The following COL22A1 variants were observed in gnomAD, a reference collection of about 807,000 sequenced individuals.
COL22A1 encodes collagen alpha-1(XXII) chain.
COL22A1 carries 221 observed loss-of-function variants against 248.9 expected under a neutral mutation model. The observed-to-expected ratio is 0.89, with a 90% CI of 0.80 to 0.99. The LOEUF is 0.99. COL22A1 is among the 50% of genes least tolerant of loss of function. The pLI is 0.00. For synonymous variants in COL22A1, 891 were observed against 793.4 expected, an observed-to-expected ratio of 1.12 and a Z score of -2.07; for missense variants, 2,240 against 2,179.0, an observed-to-expected ratio of 1.03 and a Z score of -0.56.
chr8:138,696,275 G>C (rs535009950), intron 32 of COL22A1, among the ~76,000 whole-genome samples: 1 of 152,094 alleles, frequency 6.6e-6, no homozygotes, highest in African/African-American at 2.4e-5. Flanking sequence ...GGGGGACATC[G>C]GGCTCCCCTG....
At chr8:138,810,628 G>A (rs1004276967) in intron 9 of COL22A1, among the ~76,000 whole-genome samples, 2 of 152,176 alleles carry the variant, frequency 1.3e-5, no homozygotes, top group Admixed American at 6.5e-5. Context: ...CAGCAAGGGA[G>A]GCCAGAGTTC....
At chr8:138,844,890 C>T (rs1450500535) in intron 3 of COL22A1, among the ~76,000 whole-genome samples, 1 of 144,438 alleles carries the variant, frequency 6.9e-6, no homozygotes, top group Non-Finnish European at 1.5e-5. Context: ...GCGGAGCTTG[C>T]AGTGAGCTGA....
At chr8:138,604,409 G>A (rs1818270678) in intron 59 of COL22A1, among the ~76,000 whole-genome samples, 1 of 152,166 alleles carries the variant, frequency 6.6e-6, no homozygotes, top group Non-Finnish European at 1.5e-5. Flanking sequence ...GAGTCCCAGT[G>A]GCAGAGACAG....
chr8:138,801,334 T>C (rs140758773), intron 11 of COL22A1, among the ~76,000 whole-genome samples: 42 of 152,266 alleles, frequency 2.8e-4, no homozygotes, highest in Non-Finnish European at 4.1e-4. Flanking sequence ...AGTTGTTCCA[T>C]GGAGCAAAGG....
At chr8:138,807,923 C>T in intron 9 of COL22A1, 111 bp from the exon 10 acceptor site, 2 of 1,076,162 alleles carry the variant, frequency 1.9e-6, no homozygotes, top group Non-Finnish European at 2.8e-6. Flanking sequence ...GCTTAGTAAG[C>T]CCAGCGCCGA....
At chr8:138,861,179 C>T (rs1237879825) in intron 3 of COL22A1, among the ~76,000 whole-genome samples, 1 of 152,244 alleles carries the variant, frequency 6.6e-6, no homozygotes, top group Non-Finnish European at 1.5e-5. Context: ...GGGCATCCAT[C>T]ACTCCTGCTG....
At chr8:138,632,707 C>T (rs1820831204) in intron 49 of COL22A1, among the ~76,000 whole-genome samples, 1 of 152,120 alleles carries the variant, frequency 6.6e-6, no homozygotes, top group South Asian at 2.1e-4. Flanking sequence ...TGACAAACTC[C>T]TGGGGCAGGG....
rs988600043 is a variant in COL22A1, at chr8:138,765,041, G to A, written c.1804-2575C>T. Among the ~76,000 whole-genome samples the A allele has an allele frequency of 5.3e-5, 8 of 152,156 alleles. 1 individual carries two copies. Among genetic ancestry groups the A allele is most frequent in the African/African-American group, 1.4e-4 (6 of 41,448 alleles). ...TGGTGAGTGGAGCTGCCTGGGTTTCGTCTCTGCCAAGTGATTCCACATCTA... is the reference window on the plus strand; with the variant it reads ...TGGTGAGTGGAGCTGCCTGGGTTTCATCTCTGCCAAGTGATTCCACATCTA... On this transcript the variant is annotated intron_variant, in intron 16 of 64. Coordinates refer to ENST00000303045, the MANE Select transcript of COL22A1 (RefSeq NM_152888.3).
intron 52 of COL22A1, among the ~76,000 whole-genome samples, chr8:138,620,944 TCC>T (rs1339500858): frequency 3.5e-5 from 1 of 28,764 alleles, no homozygotes; most frequent in African/African-American, 1.1e-4. Flanking sequence ...CAACCAAGCA[TCC>T]ATCCATCCAT....
chr8:138,742,094 G>T (rs1563695624), intron 22 of COL22A1, among the ~76,000 whole-genome samples: 1 of 151,262 alleles, frequency 6.6e-6, no homozygotes, highest in Admixed American at 6.6e-5. Context: ...GGTGATGATA[G>T]TAGCCATGGT....
intron 37 of COL22A1, among the ~76,000 whole-genome samples, chr8:138,686,694 C>A (rs1826386316): frequency 6.6e-6 from 1 of 152,184 alleles, no homozygotes; most frequent in Admixed American, 6.5e-5. Flanking sequence ...TTGGCTCCCT[C>A]TAGAGGCTGA....
At chr8:138,630,892 T>C (rs1820665845) in intron 49 of COL22A1, 144 bp from the exon 50 acceptor site, 1 of 747,906 alleles carries the variant, frequency 1.3e-6, no homozygotes, top group Admixed American at 1.9e-5. Flanking sequence ...CCCAATATTG[T>C]AGGTGGGCCC....
At chr8:138,669,099 C>G (rs1015710962) in intron 41 of COL22A1, among the ~76,000 whole-genome samples, 2 of 152,160 alleles carry the variant, frequency 1.3e-5, no homozygotes, top group African/African-American at 4.8e-5. Flanking sequence ...GCTGGAGAGG[C>G]CTCTGAAGCT....
chr8:138,796,649 A>G (rs1326606978), intron 12 of COL22A1, among the ~76,000 whole-genome samples, 170 bp downstream of exon 12: 1 of 151,530 alleles, frequency 6.6e-6, no homozygotes, highest in Non-Finnish European at 1.5e-5. Flanking sequence ...ACATGCTTCA[A>G]CCACCCAAGC....
At chr8:138,660,544 A>C in intron 43 of COL22A1, 64 bp from the exon 44 acceptor site, 1 of 1,427,366 alleles carries the variant, frequency 7.0e-7, no homozygotes, top group Non-Finnish European at 9.9e-7. Flanking sequence ...CACTCTACCC[A>C]CACCCTCTGC....
At chr8:138,648,928 A>G (rs970767040) in intron 46 of COL22A1, among the ~76,000 whole-genome samples, 3 of 152,234 alleles carry the variant, frequency 2.0e-5, no homozygotes, top group Admixed American at 2.0e-4. Context: ...GCTATATAAA[A>G]GAGTGAGATT....
chr8:138,708,326 C>G (rs1442085461), intron 30 of COL22A1, among the ~76,000 whole-genome samples: 1 of 152,132 alleles, frequency 6.6e-6, no homozygotes. Context: ...CCCACTTTGC[C>G]AAGACAATCC....
rs1365777371 is a variant in COL22A1 at position 138,614,034 on chromosome 8, T to A, written c.3925-114A>T. 1.0e-5 allele frequency: 8 copies of A among 795,556 alleles called. No individual in the cohort carries two copies. The African/African-American group carries it at 1.4e-4, about 14-fold the overall frequency. 49.3% of individuals were successfully genotyped at this position (795,556 alleles called of 1,614,324 possible). A position where few individuals can be genotyped will look rare whatever the true frequency, so the allele number is the denominator to read the frequency against. On this transcript the variant is annotated intron_variant, in intron 55 of 64. Coordinates refer to ENST00000303045, the MANE Select transcript of COL22A1 (RefSeq NM_152888.3). ...CAAGTTACCCAAAGGAACCAACAAA[T>A]TGTCCAGCATGTTTCATCATTAATT...
At chr8:138,846,295 A>G (rs2131880107) in intron 3 of COL22A1, among the ~76,000 whole-genome samples, 1 of 152,256 alleles carries the variant, frequency 6.6e-6, no homozygotes, top group East Asian at 1.9e-4. Flanking sequence ...AGACGAGTTG[A>G]CTCAGAAGGT....
Sources: gnomAD v4.1 joint callset for allele counts (sites outside exome capture counted in the v4.1 genomes callset) on GRCh38, gnomAD v4.1.1 for gene constraint, MANE v1.5 for transcripts, NCBI Gene and HGNC (gene_info 2026-07-23, HGNC 2026-07-21) for gene names.